TXNDC15: variants seen among roughly 807,000 people sequenced by gnomAD.
The protein encoded by TXNDC15 is thioredoxin domain containing 15, also known as thioredoxin domain-containing protein 15.
Under a neutral mutation model 35.0 loss-of-function variants are expected in TXNDC15, and 24 were observed. That is an observed-to-expected ratio of 0.68 (90% CI 0.50 to 0.96). The LOEUF is 0.96. Among genes scored for constraint, TXNDC15 ranks in the 40% least tolerant of loss-of-function variants. TXNDC15 has a pLI of 0.00. For missense variants in TXNDC15, 385 were observed against 453.3 expected (o/e 0.85, Z 1.37); for synonymous variants, 169 against 174.0 (o/e 0.97, Z 0.23).
chr5:134,896,844 C>T (rs1014759769), intron 4 of TXNDC15, among the ~76,000 whole-genome samples: 2 of 151,998 alleles, frequency 1.3e-5, no homozygotes, highest in African/African-American at 2.4e-5. Context: ...GGGGTTTCAC[C>T]GTGTTAGCCA....
In TXNDC15 at chr5:134,896,358, A is replaced by G. The variant is rs1750487898; in HGVS notation, c.820A>G (p.Met274Val). 4 of 1,613,886 alleles carry G rather than the reference A, an allele frequency of 2.5e-6. No individual in the cohort carries two copies. The highest frequency in any genetic ancestry group is 3.4e-6 in the Non-Finnish European group (4 of 1,179,858). The change falls in exon 4 of 5, where the codon ATG (methionine) becomes GTG (valine). Residue 274 changes from methionine to valine, a missense_variant. Met to Val is a conservative substitution (Grantham distance 21). Coordinates refer to ENST00000358387, the MANE Select transcript of TXNDC15 (RefSeq NM_024715.4). Reference sequence around the variant, plus strand: ...TTTATTATTTCAAGGAGCTAAACCAATGGCCAGATTTAATCATACAGATCG... The same window carrying G: ...TTTATTATTTCAAGGAGCTAAACCAGTGGCCAGATTTAATCATACAGATCG... Reference protein sequence around the residue: ...NILLFQGAKPMARFNHTDRTL... With the variant: ...NILLFQGAKPVARFNHTDRTL...
In TXNDC15 at chr5:134,901,238, A is replaced by G. The variant is rs772980841; in HGVS notation, c.*1553A>G. On this transcript the variant is annotated 3_prime_UTR_variant, in exon 5 of 5. Coordinates refer to ENST00000358387, the MANE Select transcript of TXNDC15 (RefSeq NM_024715.4). The stretch of plus-strand genomic sequence containing the variant: ...TTTCACAAGGCACCCTAAATTCTAT[A>G]GAAATAAAACCTCAGATGAGTCTCC... The G allele has an allele frequency of 1.3e-5, 2 of 152,254 alleles. No individual in the cohort carries two copies. Among genetic ancestry groups the G allele is most frequent in the Middle Eastern group, 3.2e-3 (1 of 316 alleles). 9.4% of individuals were successfully genotyped at this position (152,254 alleles called of 1,614,324 possible). A position where few individuals can be genotyped will look rare whatever the true frequency, so the allele number is the denominator to read the frequency against.
chr5:134,896,524 A>T, intron 4 of TXNDC15, 100 bp downstream of exon 4: 1 of 1,441,374 alleles, frequency 6.9e-7, no homozygotes, highest in Non-Finnish European at 9.5e-7. Flanking sequence ...TGAAGGATTC[A>T]AGACTGACTT....
chr5:134,888,841 A>T (rs921786665), intron 2 of TXNDC15, among the ~76,000 whole-genome samples: 2 of 152,194 alleles, frequency 1.3e-5, no homozygotes, highest in African/African-American at 2.4e-5. Context: ...ACATATCTGG[A>T]TTACTAAAAT....
intron 2 of TXNDC15, among the ~76,000 whole-genome samples, 199 bp downstream of exon 2, chr5:134,888,381 A>G (rs1750320642): frequency 1.3e-5 from 2 of 152,136 alleles, no homozygotes; most frequent in Admixed American, 1.3e-4. Context: ...AGTGTTGATT[A>G]TGCTTTTCAG....
chr5:134,892,287 C>G (rs1343160362), intron 2 of TXNDC15: 4 of 152,168 alleles, frequency 2.6e-5, no homozygotes, highest in Non-Finnish European at 4.4e-5. Context: ...CATGAGCCAA[C>G]CCCAGCTAAT....
upstream of TXNDC15, chr5:134,874,262 C>T: frequency 3.4e-6 from 2 of 584,538 alleles, no homozygotes; most frequent in Non-Finnish European, 5.9e-6. Flanking sequence ...CGGCCAGCGG[C>T]TAGAGGCCGT....
upstream of TXNDC15, chr5:134,873,920 C>T (rs1406673812): frequency 6.6e-6 from 1 of 152,370 alleles, no homozygotes; most frequent in Non-Finnish European, 1.5e-5. Context: ...TCAAATATAA[C>T]TGGGTATCAG....
At chr5:134,875,492 A>T in intron 1 of TXNDC15, 1 of 435,098 alleles carries the variant, frequency 2.3e-6, no homozygotes, top group Admixed American at 2.7e-5. Flanking sequence ...TGGAATCTTT[A>T]CTGTTTTGTT....
At chr5:134,883,805 C>T (rs1456586429) in intron 1 of TXNDC15, among the ~76,000 whole-genome samples, 1 of 150,398 alleles carries the variant, frequency 6.6e-6, no homozygotes, top group African/African-American at 2.5e-5. Flanking sequence ...ATCCCAGCTA[C>T]TCAGGAAGCT....
At chr5:134,896,469 G>C in intron 4 of TXNDC15, 45 bp downstream of exon 4, 1 of 1,608,484 alleles carries the variant, frequency 6.2e-7, no homozygotes, top group Non-Finnish European at 8.5e-7. Context: ...TCTATTGCTG[G>C]GGGTCTGTGC....
chr5:134,889,729 A>G lies in TXNDC15; in HGVS notation c.591+1547A>G, dbSNP rs567553259. On this transcript the variant is annotated intron_variant, in intron 2 of 4. Coordinates refer to ENST00000358387, the MANE Select transcript of TXNDC15 (RefSeq NM_024715.4). ...GAGTACTTAGTACAGGCATACCTCA[A>G]AGATACTACAGGTTTGGTTCCAGAC... Among the ~76,000 whole-genome samples, 236 of 152,326 alleles carry G rather than the reference A, an allele frequency of 1.5e-3. 1 individual carries two copies. Among genetic ancestry groups the G allele is most frequent in the African/African-American group, 5.4e-3 (226 of 41,568 alleles).
chr5:134,874,425 G>T lies in TXNDC15; in HGVS notation c.-3G>T, dbSNP rs375457499. 372 of 1,597,294 alleles carry T rather than the reference G, an allele frequency of 2.3e-4. No individual in the cohort carries two copies. The highest frequency in any genetic ancestry group is 3.0e-4 in the Non-Finnish European group (355 of 1,175,662). On this transcript the variant is annotated 5_prime_UTR_variant, in exon 1 of 5. Coordinates refer to ENST00000358387, the MANE Select transcript of TXNDC15 (RefSeq NM_024715.4). ...GTGCGCCGATTGCCTCTCGGCCTGG[G>T]CAATGGTCCCGGCTGCCGGTCGACG... is the stretch of plus-strand genomic sequence containing the variant.
In TXNDC15 at chr5:134,893,474, T is replaced by G; in HGVS notation, c.592-18T>G. On this transcript the variant is annotated intron_variant, in intron 2 of 4. Coordinates refer to ENST00000358387, the MANE Select transcript of TXNDC15 (RefSeq NM_024715.4). ...GTACTTTTACTGCTAACTTTAATGC[T>G]TGTTTCTTTTACCACAGGACCTTAT... 1 of 1,613,624 alleles carries G rather than the reference T, an allele frequency of 6.2e-7. No individual in the cohort carries two copies. The highest frequency in any genetic ancestry group is 1.1e-5 in the South Asian group (1 of 91,080).
intron 3 of TXNDC15, among the ~76,000 whole-genome samples, chr5:134,894,170 G>C (rs914235959): frequency 6.6e-6 from 1 of 151,616 alleles, no homozygotes; most frequent in African/African-American, 2.4e-5. Flanking sequence ...TTCTGTAGTA[G>C]GCACTCGATC....
intron 1 of TXNDC15, among the ~76,000 whole-genome samples, chr5:134,878,072 G>A (rs1035805395): frequency 7.2e-5 from 11 of 152,078 alleles, no homozygotes; most frequent in Non-Finnish European, 1.5e-4. Context: ...ACTGCGCCTG[G>A]CCTAATTTTT....
chr5:134,876,231 T>G (rs1043115439), intron 1 of TXNDC15, among the ~76,000 whole-genome samples: 2 of 152,222 alleles, frequency 1.3e-5, no homozygotes, highest in African/African-American at 4.8e-5. Flanking sequence ...CCTGTGTGGC[T>G]GTCCTGTGTG....
At chr5:134,882,791 T>C (rs975698922) in intron 1 of TXNDC15, among the ~76,000 whole-genome samples, 1 of 151,628 alleles carries the variant, frequency 6.6e-6, no homozygotes, top group Non-Finnish European at 1.5e-5. Context: ...ATGGCAGCAG[T>C]ACAGTCCAGC....
rs1487048119 is a variant in TXNDC15 at position 134,874,704 on chromosome 5, A to G, written c.103+174A>G. On this transcript the variant is annotated intron_variant, in intron 1 of 4. Transcript: ENST00000358387. The stretch of plus-strand genomic sequence containing the variant: ...CGCACCGCCCGCTGGTGGCCCGCGA[A>G]AGGGGGCCGGTGGGCTGAGGGCCGG... Among the ~76,000 whole-genome samples the G allele has an allele frequency of 2.0e-5, 3 of 152,086 alleles. No homozygotes were observed. The South Asian group carries it at 6.2e-4, about 31-fold the overall frequency.
Sources: allele counts gnomAD v4.1 joint callset (sites outside exome capture counted in the v4.1 genomes callset), GRCh38; gene constraint gnomAD v4.1.1; transcripts MANE v1.5; gene names NCBI Gene and HGNC (gene_info 2026-07-23, HGNC 2026-07-21).